ADGRL2: variants seen among roughly 807,000 people sequenced by gnomAD.
ADGRL2 encodes the protein adhesion G protein-coupled receptor L2.
Under a neutral mutation model 157.4 loss-of-function variants are expected in ADGRL2, and 44 were observed. The ratio of observed to expected loss-of-function variants is 0.28; its 90% CI spans 0.22 to 0.36. The LOEUF (loss-of-function observed/expected upper bound fraction) is 0.36, where lower values mean the gene tolerates loss of function less well. ADGRL2 is among the 10% of genes least tolerant of loss of function. ADGRL2 has a pLI of 1.00. For synonymous variants in ADGRL2, 585 were observed against 624.7 expected (o/e 0.94, Z 0.95); for missense variants, 1,510 against 1,768.9 (o/e 0.85, Z 2.63).
intron 2 of ADGRL2, among the ~76,000 whole-genome samples, chr1:81,530,536 A>G (rs143649780): frequency 0.02 from 2,991 of 151,898 alleles, 93 homozygotes; most frequent in African/African-American, 0.069. Flanking sequence ...TTTTGTAGAG[A>G]TGGGGTTTCA....
chr1:81,877,657 T>C (rs2093876097), intron 2 of ADGRL2, among the ~76,000 whole-genome samples: 1 of 151,234 alleles, frequency 6.6e-6, no homozygotes, highest in Non-Finnish European at 1.5e-5. Context: ...ATACGTGGCT[T>C]TTTTTGGGGA....
chr1:81,825,386 G>A (rs1308887788), intron 1 of ADGRL2, among the ~76,000 whole-genome samples: 1 of 151,814 alleles, frequency 6.6e-6, no homozygotes, highest in Non-Finnish European at 1.5e-5. Context: ...GTCTTGCTCT[G>A]TTGCCAGGCT....
At chr1:81,335,848 A>C (rs7533326) in intron 1 of ADGRL2, among the ~76,000 whole-genome samples, 2,556 of 149,644 alleles carry the variant, frequency 0.017, 54 homozygotes, top group South Asian at 0.052. Context: ...AAAAAAAAAA[A>C]CAAAAAACAA....
chr1:81,701,119 T>G (rs1386435923), intron 1 of ADGRL2, among the ~76,000 whole-genome samples: 1 of 152,194 alleles, frequency 6.6e-6, no homozygotes, highest in Non-Finnish European at 1.5e-5. Flanking sequence ...ATTTCAGATG[T>G]TTCTCCTTTC....
At chr1:81,574,243 G>A (rs1239025519) in intron 2 of ADGRL2, among the ~76,000 whole-genome samples, 1 of 151,684 alleles carries the variant, frequency 6.6e-6, no homozygotes, top group Admixed American at 6.6e-5. Flanking sequence ...GGGAGGGGGA[G>A]GATGAAAATG....
intron 3 of ADGRL2, among the ~76,000 whole-genome samples, chr1:81,671,597 C>T (rs1483510179): frequency 6.6e-6 from 1 of 152,062 alleles, no homozygotes; most frequent in Non-Finnish European, 1.5e-5. Context: ...ACAGCAACCT[C>T]CACCTCCTGG....
chr1:81,981,824 G>A lies in ADGRL2; in HGVS notation c.3130G>A (p.Ala1044Thr), dbSNP rs1470284505. The change falls in exon 19 of 24, where the codon GCT becomes ACT. Residue 1044 changes from alanine to threonine, a missense_variant. By Grantham distance (58) the Ala-to-Thr change is moderately conservative. Around this residue, in one of 4 missense-constraint regions of ADGRL2, gnomAD observed 497 missense variants for 627.2 expected, o/e 0.79. Transcript: ENST00000686636. ...LENIKSWVLG[A>T]FALLCLLGLT... Reference sequence around the variant, plus strand: ...TTTTTCCAGGTCTTGGGTGCTTGGCGCTTTCGCTCTTCTGTGTCTTCTTGG... The same window carrying A: ...TTTTTCCAGGTCTTGGGTGCTTGGCACTTTCGCTCTTCTGTGTCTTCTTGG... The A allele has an allele frequency of 3.1e-6, 5 of 1,607,692 alleles. No homozygotes were observed. Among genetic ancestry groups the A allele is most frequent in the East Asian group, 2.2e-5 (1 of 44,804 alleles).
At chr1:81,496,015 A>G (rs1369879553) in intron 2 of ADGRL2, among the ~76,000 whole-genome samples, 2 of 152,176 alleles carry the variant, frequency 1.3e-5, no homozygotes, top group Admixed American at 6.5e-5. Context: ...ACCTTTATCA[A>G]TAATAAATCT....
chr1:81,644,587 T>C (rs567396607), intron 3 of ADGRL2, among the ~76,000 whole-genome samples: 3 of 152,270 alleles, frequency 2.0e-5, no homozygotes, highest in African/African-American at 4.8e-5. Flanking sequence ...CCAAAGAAGA[T>C]ATACAGATGG....
At chr1:81,684,461 C>A (rs765076006) in intron 3 of ADGRL2, among the ~76,000 whole-genome samples, 1 of 152,056 alleles carries the variant, frequency 6.6e-6, no homozygotes, top group South Asian at 2.1e-4. Flanking sequence ...ATGTCCTTAG[C>A]CTGCTTTTTG....
intron 3 of ADGRL2, among the ~76,000 whole-genome samples, chr1:81,618,264 G>T (rs1465382139): frequency 6.6e-6 from 1 of 152,136 alleles, no homozygotes; most frequent in African/African-American, 2.4e-5. Flanking sequence ...TTTTAGTAGA[G>T]AAATCAGTTA....
At position 81,662,895 on chromosome 1, in the gene ADGRL2, C is replaced by T. The variant is rs186827219; in HGVS notation, c.-143+81915C>T. The stretch of plus-strand genomic sequence containing the variant: ...AACTACTTTTTTTGTGCCCATTAAC[C>T]ATCCCCACCTTCCGCACTGCTTAAA... On this transcript the variant is annotated intron_variant, in intron 3 of 24. Coordinates refer to the ADGRL2 transcript ENST00000370721. 2.4e-3 allele frequency among the ~76,000 whole-genome samples: 370 copies of T among 152,190 alleles called. 1 individual carries two copies. In the Middle Eastern group the frequency reaches 0.031, roughly 13 times the overall value.
At chr1:81,369,388 T>C (rs1399320161) in intron 1 of ADGRL2, among the ~76,000 whole-genome samples, 2 of 152,194 alleles carry the variant, frequency 1.3e-5, no homozygotes, top group Non-Finnish European at 2.9e-5. Context: ...TCTTTTCAAG[T>C]CTATAGTCTA....
chr1:81,688,131 C>T (rs1307683600), intron 3 of ADGRL2, among the ~76,000 whole-genome samples: 1 of 152,154 alleles, frequency 6.6e-6, no homozygotes. Flanking sequence ...TTTGGATAAC[C>T]TGATGACAAT....
chr1:81,504,988 C>A (rs1379242646), intron 2 of ADGRL2: 8 of 361,390 alleles, frequency 2.2e-5, no homozygotes, highest in Non-Finnish European at 3.7e-5. Flanking sequence ...GAATGTTCAG[C>A]AGAACACCAC....
At chr1:81,663,327 G>A (rs1280189899) in intron 3 of ADGRL2, among the ~76,000 whole-genome samples, 1 of 151,938 alleles carries the variant, frequency 6.6e-6, no homozygotes, top group Non-Finnish European at 1.5e-5. Flanking sequence ...GACAACCTTT[G>A]TTCTTAGGCA....
chr1:81,484,048 A>G (rs1461289911), intron 2 of ADGRL2, among the ~76,000 whole-genome samples: 2 of 152,204 alleles, frequency 1.3e-5, no homozygotes. Flanking sequence ...TTCATTATAA[A>G]GAGACCAGCT....
At chr1:81,826,909 A>G (rs573515029) in intron 1 of ADGRL2, among the ~76,000 whole-genome samples, 1 of 152,302 alleles carries the variant, frequency 6.6e-6, no homozygotes, top group Admixed American at 6.5e-5. Context: ...TTGATAGAAA[A>G]ATTTAGCCTT....
chr1:81,542,847 T>A (rs1017565050), intron 2 of ADGRL2, among the ~76,000 whole-genome samples: 3 of 152,300 alleles, frequency 2.0e-5, no homozygotes, highest in Admixed American at 6.5e-5. Flanking sequence ...CAGCAAATAA[T>A]GTTGCTTATA....
Sources: gnomAD v4.1 joint callset for allele counts (sites outside exome capture counted in the v4.1 genomes callset) on GRCh38, gnomAD v4.1.1 for gene constraint, gnomAD v4.1.1 regional missense constraint, MANE v1.5 for transcripts, NCBI Gene and HGNC (gene_info 2026-07-23, HGNC 2026-07-21) for gene names.